PTPN13: variants seen among roughly 807,000 people sequenced by gnomAD.
PTPN13 encodes the protein protein tyrosine phosphatase non-receptor type 13.
A neutral mutation model predicts 284.0 loss-of-function variants in PTPN13; 191 were observed. The observed-to-expected ratio is 0.67, with a 90% CI of 0.60 to 0.76. PTPN13 has a LOEUF of 0.76. PTPN13 is among the 30% of genes least tolerant of loss of function. The pLI is 0.00. For missense variants in PTPN13, 2,797 were observed against 2,939.9 expected (o/e 0.95, Z 1.12); for synonymous variants, 986 against 1,022.3 (o/e 0.96, Z 0.68).
chr4:86,692,080 C>G (rs969844475), intron 5 of PTPN13, among the ~76,000 whole-genome samples: 6 of 152,142 alleles, frequency 3.9e-5, no homozygotes, highest in African/African-American at 1.4e-4. Context: ...AGTTTCTTTG[C>G]TATTTCTCCC....
intron 40 of PTPN13, among the ~76,000 whole-genome samples, chr4:86,789,398 A>G (rs905941723): frequency 1.3e-5 from 2 of 152,150 alleles, no homozygotes; most frequent in East Asian, 1.9e-4. Flanking sequence ...GACTGGCTTT[A>G]TGGGCATTCA....
At chr4:86,670,448 C>G (rs1441511924) in intron 2 of PTPN13, among the ~76,000 whole-genome samples, 2 of 151,722 alleles carry the variant, frequency 1.3e-5, no homozygotes, top group Non-Finnish European at 2.9e-5. Flanking sequence ...TTTAATTACT[C>G]AGATCAAAAC....
intron 2 of PTPN13, among the ~76,000 whole-genome samples, chr4:86,667,369 A>G (rs938680464): frequency 3.9e-5 from 6 of 152,294 alleles, no homozygotes; most frequent in Middle Eastern, 3.4e-3. Context: ...TCAATAAGGG[A>G]TTGCTGTTTT....
At chr4:86,600,391 T>C (rs902269221) in intron 1 of PTPN13, among the ~76,000 whole-genome samples, 2 of 150,668 alleles carry the variant, frequency 1.3e-5, no homozygotes, top group Non-Finnish European at 2.9e-5. Flanking sequence ...ATTAAAAATA[T>C]TCCTTCTTGG....
intron 3 of PTPN13, among the ~76,000 whole-genome samples, chr4:86,680,151 A>G (rs1198961950): frequency 1.3e-5 from 2 of 152,158 alleles, no homozygotes; most frequent in Non-Finnish European, 2.9e-5. Flanking sequence ...AATAGTAACT[A>G]TCACTATTAT....
intron 7 of PTPN13, among the ~76,000 whole-genome samples, chr4:86,714,902 T>C (rs936206952): frequency 3.3e-5 from 5 of 152,138 alleles, no homozygotes; most frequent in Non-Finnish European, 7.4e-5. Context: ...GTGTAAGAGT[T>C]GCAATTAAGC....
In PTPN13 at chr4:86,716,877, A is replaced by C. The variant is rs527392043; in HGVS notation, c.1292-147A>C. The C allele has an allele frequency of 2.0e-5, 13 of 636,042 alleles. No individual in the cohort carries two copies. In the East Asian group the frequency reaches 3.6e-4, roughly 17 times the overall value. The allele number at this position is 636,042 out of a possible 1,614,324, so 39.4% of individuals were successfully genotyped here. On this transcript the variant is annotated intron_variant, in intron 8 of 47. Coordinates refer to ENST00000411767, the MANE Select transcript of PTPN13 (RefSeq NM_080683.3). ...CTTTAAAAGTAACATGATTTACCTCAAAAGAGTTTAATAACATTATGTCAT... is the reference window on the plus strand; with the variant it reads ...CTTTAAAAGTAACATGATTTACCTCCAAAGAGTTTAATAACATTATGTCAT...
At chr4:86,729,820 G>A (rs1235384247) in intron 10 of PTPN13, among the ~76,000 whole-genome samples, 12 of 149,424 alleles carry the variant, frequency 8.0e-5, no homozygotes, top group Admixed American at 2.0e-4. Context: ...TATTATTACC[G>A]ACCTTCTGAA....
intron 19 of PTPN13, among the ~76,000 whole-genome samples, chr4:86,752,182 T>C (rs544719923): frequency 6.6e-6 from 1 of 152,324 alleles, no homozygotes; most frequent in African/African-American, 2.4e-5. Flanking sequence ...GTTTCCCTTC[T>C]GTTGTCTTAC....
chr4:86,815,098 C>T lies in PTPN13; in HGVS notation c.*547C>T, dbSNP rs144539110. ...AGTTATCTGTTTGTTACTGCATCATCTGTTTGTAATCATTATCTCACTTTG... is the reference window on the plus strand; with the variant it reads ...AGTTATCTGTTTGTTACTGCATCATTTGTTTGTAATCATTATCTCACTTTG... On this transcript the variant is annotated 3_prime_UTR_variant, in exon 48 of 48. Transcript: ENST00000411767. The T allele has an allele frequency of 5.9e-5, 9 of 152,792 alleles. No individual in the cohort carries two copies. In the East Asian group the frequency reaches 1.7e-3, roughly 29 times the overall value. The allele number at this position is 152,792 out of a possible 1,614,324, so 9.5% of individuals were successfully genotyped here.
At position 86,745,047 on chromosome 4, in the gene PTPN13, C is replaced by T; in HGVS notation, c.2569C>T (p.Leu857=). 1 of 1,610,480 alleles carries T rather than the reference C, an allele frequency of 6.2e-7. No individual in the cohort carries two copies. Among genetic ancestry groups the T allele is most frequent in the Non-Finnish European group, 8.5e-7 (1 of 1,178,334 alleles). The change falls in exon 17 of 48, where the codon CTG becomes TTG. Residue 857 remains leucine, a synonymous_variant. Coordinates refer to ENST00000411767, the MANE Select transcript of PTPN13 (RefSeq NM_080683.3). The part of the protein sequence containing the change: ...QTDNSKICQY[L]LHLCSYQHKF... The stretch of plus-strand genomic sequence containing the variant: ...AGACAACAGTAAGATATGCCAGTAC[C>T]TGCTGCACCTCTGCTCTTACCAGCA...
At chr4:86,698,832 A>G (rs1198701542) in intron 6 of PTPN13, among the ~76,000 whole-genome samples, 1 of 152,188 alleles carries the variant, frequency 6.6e-6, no homozygotes, top group Non-Finnish European at 1.5e-5. Flanking sequence ...AATGGGAGAT[A>G]GCAGTAGCTA....
intron 2 of PTPN13, among the ~76,000 whole-genome samples, chr4:86,655,085 A>G (rs1297139055): frequency 2.6e-5 from 4 of 151,550 alleles, no homozygotes; most frequent in South Asian, 2.1e-4. Context: ...TTTGTTTTCC[A>G]TTTGCTTGGT....
At chr4:86,689,565 A>G (rs1344338752) in intron 5 of PTPN13, 2 of 667,448 alleles carry the variant, frequency 3.0e-6, no homozygotes, top group African/African-American at 3.6e-5. Context: ...ATTTAAATGT[A>G]CTTTCTGTTG....
intron 21 of PTPN13, 64 bp downstream of exon 21, chr4:86,758,413 C>T (rs1356842261): frequency 3.0e-6 from 4 of 1,348,386 alleles, no homozygotes; most frequent in South Asian, 1.3e-5. Flanking sequence ...AAGTCTATAG[C>T]ATAGCATTGG....
chr4:86,655,531 G>T (rs573987439), intron 2 of PTPN13, among the ~76,000 whole-genome samples: 1 of 152,180 alleles, frequency 6.6e-6, no homozygotes, highest in East Asian at 1.9e-4. Context: ...GAAATTCTGG[G>T]TTGAAAATTC....
At chr4:86,706,896 T>C (rs1299997351) in intron 7 of PTPN13, among the ~76,000 whole-genome samples, 1 of 152,174 alleles carries the variant, frequency 6.6e-6, no homozygotes, top group Non-Finnish European at 1.5e-5. Flanking sequence ...TCTACTTTTT[T>C]TTCACCTCAG....
Position 86,608,516 on chromosome 4 carries a change from G to A in PTPN13, c.-6+13727G>A, listed in dbSNP as rs1764991457. Among the ~76,000 whole-genome samples, 3 of 151,994 alleles carry A rather than the reference G, an allele frequency of 2.0e-5. No homozygotes were observed. In the South Asian group the frequency reaches 6.2e-4, roughly 32 times the overall value. ...AGATGATTAGGTAATTATAATGATA[G>A]TACATGCTTATAAAATATACTGTTT... is the stretch of plus-strand genomic sequence containing the variant. On this transcript the variant is annotated intron_variant, in intron 1 of 47. Transcript: ENST00000411767.
chr4:86,753,442 G>T (rs1737618729), intron 20 of PTPN13, among the ~76,000 whole-genome samples: 1 of 152,034 alleles, frequency 6.6e-6, no homozygotes, highest in African/African-American at 2.4e-5. Flanking sequence ...CAGATCAAGG[G>T]CATAGCATGG....
Sources: gnomAD v4.1 joint callset for allele counts (sites outside exome capture counted in the v4.1 genomes callset) on GRCh38, gnomAD v4.1.1 for gene constraint, MANE v1.5 for transcripts, NCBI Gene and HGNC (gene_info 2026-07-23, HGNC 2026-07-21) for gene names.